SPON1: variants seen among roughly 807,000 people sequenced by gnomAD.
SPON1 encodes spondin 1.
A neutral mutation model predicts 111.7 loss-of-function variants in SPON1; 52 were observed. That is an observed-to-expected ratio of 0.47 (90% CI 0.37 to 0.59). The LOEUF is 0.59. Among genes scored for constraint, SPON1 ranks in the 20% least tolerant of loss-of-function variants. The probability of loss-of-function intolerance (pLI) is 0.00; values close to 1 mark genes in which losing one functional copy is unlikely to be tolerated. For missense variants in SPON1, 957 were observed against 1,068.5 expected (o/e 0.90, Z 1.46); for synonymous variants, 410 against 395.8 (o/e 1.04, Z -0.43).
intron 5 of SPON1, among the ~76,000 whole-genome samples, chr11:14,114,563 C>G (rs1181902151): frequency 2.0e-5 from 3 of 152,226 alleles, no homozygotes; most frequent in Non-Finnish European, 4.4e-5. Context: ...ATTCTGATCT[C>G]CAGGCCTTTG....
At chr11:14,080,725 A>C (rs1375201260) in intron 5 of SPON1, among the ~76,000 whole-genome samples, 2 of 152,148 alleles carry the variant, frequency 1.3e-5, no homozygotes, top group South Asian at 2.1e-4. Flanking sequence ...ATACTCTGCT[A>C]TCATAGGTGT....
At chr11:13,975,140 A>G (rs1394143316) in intron 1 of SPON1, among the ~76,000 whole-genome samples, 1 of 148,132 alleles carries the variant, frequency 6.8e-6, no homozygotes, top group Non-Finnish European at 1.5e-5. Context: ...CACACTTTAC[A>G]TGTTATAAAA....
intron 3 of SPON1, among the ~76,000 whole-genome samples, chr11:14,041,922 A>C (rs1031378359): frequency 2.2e-4 from 34 of 152,156 alleles, no homozygotes; most frequent in African/African-American, 8.2e-4. Flanking sequence ...CTGGTTAAGA[A>C]AAATTACAAA....
At chr11:14,075,310 C>T (rs782177713) in intron 3 of SPON1, 35 bp from the exon 4 acceptor site, 45 of 1,532,102 alleles carry the variant, frequency 2.9e-5, no homozygotes, top group Non-Finnish European at 3.9e-5. Flanking sequence ...TTCCTGCCCT[C>T]CTCACCACTG....
At chr11:13,995,183 A>C (rs1848261932) in intron 2 of SPON1, among the ~76,000 whole-genome samples, 2 of 152,176 alleles carry the variant, frequency 1.3e-5, no homozygotes, top group African/African-American at 4.8e-5. Flanking sequence ...CATAGTGGAC[A>C]CTCAGTAAAT....
chr11:14,138,364 C>T (rs1847616965), intron 6 of SPON1, among the ~76,000 whole-genome samples: 1 of 151,938 alleles, frequency 6.6e-6, no homozygotes, highest in South Asian at 2.1e-4. Context: ...ATAATAATAA[C>T]AGTATATTAA....
At chr11:14,166,395 A>G (rs1554931872) in intron 6 of SPON1, among the ~76,000 whole-genome samples, 1 of 152,220 alleles carries the variant, frequency 6.6e-6, no homozygotes, top group East Asian at 1.9e-4. Flanking sequence ...AAAGTTGCAA[A>G]TAGCTCTAAA....
intron 6 of SPON1, among the ~76,000 whole-genome samples, chr11:14,224,517 G>A (rs566836798): frequency 6.6e-6 from 1 of 152,144 alleles, no homozygotes; most frequent in African/African-American, 2.4e-5. Context: ...TTCAGAGGCT[G>A]GTTCCTTTGC....
At chr11:14,128,838 G>A (rs1166025647) in intron 5 of SPON1, among the ~76,000 whole-genome samples, 2 of 152,226 alleles carry the variant, frequency 1.3e-5, no homozygotes, top group African/African-American at 4.8e-5. Flanking sequence ...TGCCATCTGT[G>A]TACCCACAGA....
At chr11:14,118,311 CCT>C (rs1352015793) in intron 5 of SPON1, among the ~76,000 whole-genome samples, 1 of 152,124 alleles carries the variant, frequency 6.6e-6, no homozygotes, top group Non-Finnish European at 1.5e-5. Flanking sequence ...AGGAATATAG[CCT>C]CTCTCCCACA....
intron 3 of SPON1, among the ~76,000 whole-genome samples, chr11:14,047,661 G>A (rs1196518457): frequency 6.6e-6 from 1 of 152,186 alleles, no homozygotes; most frequent in Non-Finnish European, 1.5e-5. Context: ...ACATCTTGAA[G>A]ACAGTGTTAG....
chr11:14,262,660 CAT>C (rs3217362), intron 14 of SPON1, 50 bp from the exon 15 acceptor site: 196,427 of 1,608,104 alleles, frequency 0.12, 13,214 homozygotes, highest in African/African-American at 0.19. Context: ...AGAGCGTGAC[CAT>C]ATCTTGTTTC....
chr11:14,155,449 G>A (rs560612618), intron 6 of SPON1, among the ~76,000 whole-genome samples: 289 of 152,198 alleles, frequency 1.9e-3, no homozygotes, highest in Non-Finnish European at 2.4e-3. Context: ...CATGGCTGGA[G>A]CAGGAGGAAG....
At position 14,262,617 on chromosome 11, in the gene SPON1, C is replaced by T; in HGVS notation, c.1997-95C>T. ...ATAGCATGACACAGCACCTGCTTTGCATCCCTCATAGGCTTGTTGAGATGT... is the reference window on the plus strand; with the variant it reads ...ATAGCATGACACAGCACCTGCTTTGTATCCCTCATAGGCTTGTTGAGATGT... On this transcript the variant is annotated intron_variant, in intron 14 of 15. Coordinates refer to ENST00000576479, the MANE Select transcript of SPON1 (RefSeq NM_006108.4). 6 of 1,485,984 alleles carry T rather than the reference C, an allele frequency of 4.0e-6. No individual in the cohort carries two copies. The South Asian group carries it at 6.2e-5, about 15-fold the overall frequency. 92.0% of individuals were successfully genotyped at this position (1,485,984 alleles called of 1,614,324 possible).
chr11:14,054,701 G>A (rs1446280264), intron 3 of SPON1, among the ~76,000 whole-genome samples: 1 of 152,126 alleles, frequency 6.6e-6, no homozygotes, highest in Non-Finnish European at 1.5e-5. Context: ...GGGAATGATG[G>A]GGGTGACTAG....
chr11:13,999,225 T>C (rs1377050119), intron 2 of SPON1, among the ~76,000 whole-genome samples: 1 of 152,170 alleles, frequency 6.6e-6, no homozygotes, highest in African/African-American at 2.4e-5. Flanking sequence ...CTTATTTCAT[T>C]TATGAGTATA....
intron 3 of SPON1, among the ~76,000 whole-genome samples, chr11:14,043,007 T>C (rs1053171214): frequency 3.3e-5 from 5 of 152,240 alleles, no homozygotes; most frequent in Non-Finnish European, 7.3e-5. Flanking sequence ...TAATCTACAC[T>C]GGTCATTAAG....
chr11:13,962,828 C>A lies in SPON1; in HGVS notation c.-77C>A. On this transcript the variant is annotated 5_prime_UTR_variant, in exon 1 of 16. Transcript: ENST00000576479. ...TCCGCCGCGCCTCCGCCAGGTCGCG[C>A]CTTCGTCGGGACCACTTCGGGCAGG... 7.6e-7 allele frequency: 1 copy of A among 1,317,818 alleles called. No homozygotes were observed. The allele number at this position is 1,317,818 out of a possible 1,614,324, so 81.6% of individuals were successfully genotyped here.
At chr11:13,966,328 A>C (rs1848015927) in intron 1 of SPON1, among the ~76,000 whole-genome samples, 1 of 152,156 alleles carries the variant, frequency 6.6e-6, no homozygotes, top group South Asian at 2.1e-4. Context: ...GAGGATCCTC[A>C]AGGGGCTTCC....
Sources: allele counts gnomAD v4.1 joint callset (sites outside exome capture counted in the v4.1 genomes callset), GRCh38; gene constraint gnomAD v4.1.1; transcripts MANE v1.5; gene names NCBI Gene and HGNC (gene_info 2026-07-23, HGNC 2026-07-21).